The following TBC1D23 variants were observed in gnomAD, a reference collection of about 807,000 sequenced individuals.
The protein encoded by TBC1D23 is HCV non-structural protein 4A-transactivated protein 1.
In TBC1D23, 55 loss-of-function variants were observed where a neutral mutation model predicts 91.4. That is an observed-to-expected ratio of 0.60 (90% CI 0.48 to 0.75). The LOEUF (loss-of-function observed/expected upper bound fraction) is 0.75, where lower values mean the gene tolerates loss of function less well. TBC1D23 is among the 30% of genes least tolerant of loss of function. The pLI, the probability that TBC1D23 is intolerant of heterozygous loss-of-function variation, is 0.00. For missense variants in TBC1D23, 725 were observed against 836.1 expected (o/e 0.87, Z 1.64); for synonymous variants, 289 against 281.0 (o/e 1.03, Z -0.28).
At chr3:100,319,553 AG>A (rs1224910827) in intron 17 of TBC1D23, among the ~76,000 whole-genome samples, 1 of 151,820 alleles carries the variant, frequency 6.6e-6, no homozygotes, top group Non-Finnish European at 1.5e-5. Flanking sequence ...CTCAGCCTCC[AG>A]AGTAGCTGGG....
intron 13 of TBC1D23, among the ~76,000 whole-genome samples, chr3:100,308,239 G>A (rs1387287843): frequency 6.6e-6 from 1 of 152,176 alleles, no homozygotes; most frequent in Non-Finnish European, 1.5e-5. Flanking sequence ...ACTTTGGGAG[G>A]CTGAGGCGGG....
chr3:100,299,662 A>G (rs1386542913), intron 10 of TBC1D23, among the ~76,000 whole-genome samples: 1 of 152,024 alleles, frequency 6.6e-6, no homozygotes, highest in Non-Finnish European at 1.5e-5. Context: ...GGCACCCACC[A>G]CCAGGCCCGG....
At chr3:100,266,356 C>T in intron 1 of TBC1D23, among the ~76,000 whole-genome samples, 1 of 152,030 alleles carries the variant, frequency 6.6e-6, no homozygotes, top group Non-Finnish European at 1.5e-5. Flanking sequence ...GCATCCTCCG[C>T]CTCCTGGGTC....
intron 18 of TBC1D23, among the ~76,000 whole-genome samples, chr3:100,323,184 GA>G (rs1559818545): frequency 6.6e-6 from 1 of 152,128 alleles, no homozygotes. Flanking sequence ...TTAAGTGTTG[GA>G]ATTGTCATTG....
chr3:100,275,938 A>G (rs911260757), intron 1 of TBC1D23, among the ~76,000 whole-genome samples: 22 of 152,236 alleles, frequency 1.4e-4, no homozygotes, highest in African/African-American at 5.3e-4. Flanking sequence ...CAGTTATATG[A>G]AATATCTAGA....
intron 3 of TBC1D23, 105 bp downstream of exon 3, chr3:100,281,952 G>T: frequency 1.6e-6 from 1 of 611,450 alleles, no homozygotes; most frequent in Non-Finnish European, 2.8e-6. Flanking sequence ...TTTGTAAAAG[G>T]CTTGTAAATA....
At chr3:100,319,601 T>C (rs1705815143) in intron 17 of TBC1D23, among the ~76,000 whole-genome samples, 1 of 152,054 alleles carries the variant, frequency 6.6e-6, no homozygotes, top group Non-Finnish European at 1.5e-5. Flanking sequence ...GCTAATTTTG[T>C]ATTTTTAGTA....
chr3:100,316,465 A>T (rs890773893), intron 16 of TBC1D23, among the ~76,000 whole-genome samples: 1 of 152,046 alleles, frequency 6.6e-6, no homozygotes, highest in East Asian at 1.9e-4. Flanking sequence ...TAATAATAAA[A>T]TTTTAAAAAA....
intron 4 of TBC1D23, among the ~76,000 whole-genome samples, chr3:100,288,392 A>C (rs906103212): frequency 3.3e-5 from 5 of 152,070 alleles, no homozygotes; most frequent in Admixed American, 3.3e-4. Context: ...ATTGAGTTAG[A>C]TATGGAAGGG....
chr3:100,320,466 A>G (rs1360908071), intron 17 of TBC1D23, among the ~76,000 whole-genome samples: 1 of 152,034 alleles, frequency 6.6e-6, no homozygotes, highest in Non-Finnish European at 1.5e-5. Context: ...AAAATCTGAA[A>G]CGTAATATAC....
chr3:100,278,706 A>G (rs1162488011), intron 1 of TBC1D23, among the ~76,000 whole-genome samples: 1 of 152,080 alleles, frequency 6.6e-6, no homozygotes, highest in Non-Finnish European at 1.5e-5. Context: ...TTAACTGGTT[A>G]TTTTCTGGCT....
chr3:100,301,948 C>T, intron 10 of TBC1D23, 119 bp from the exon 11 acceptor site: 208 of 633,996 alleles, frequency 3.3e-4, no homozygotes, highest in Middle Eastern at 8.8e-4. Context: ...CCTTTTTTTC[C>T]CCTTCATTTT....
chr3:100,323,726 A>ACC lies in TBC1D23; in HGVS notation c.*59_*60dup. On this transcript the variant is annotated 3_prime_UTR_variant, in exon 19 of 19. Coordinates refer to ENST00000394144, the MANE Select transcript of TBC1D23 (RefSeq NM_001199198.3). ...ACAACCAAGAGAAACATGGACATATACCTCCTGACTGAATACTAACTGGAG... is the reference window on the plus strand; with the variant it reads ...ACAACCAAGAGAAACATGGACATATACCCCTCCTGACTGAATACTAACTGGAG... The ACC allele has an allele frequency of 1.2e-6, 1 of 810,006 alleles. No individual in the cohort carries two copies. Among genetic ancestry groups the ACC allele is most frequent in the Non-Finnish European group, 1.8e-6 (1 of 565,280 alleles). 50.2% of individuals were successfully genotyped at this position (810,006 alleles called of 1,614,324 possible). A position where few individuals can be genotyped will look rare whatever the true frequency, so the allele number is the denominator to read the frequency against.
chr3:100,276,779 C>G (rs918977974), intron 1 of TBC1D23, among the ~76,000 whole-genome samples: 1 of 152,160 alleles, frequency 6.6e-6, no homozygotes, highest in African/African-American at 2.4e-5. Flanking sequence ...TGACAGGAAC[C>G]TGTAGTATTA....
chr3:100,262,803 G>A (rs1041687733), intron 1 of TBC1D23, among the ~76,000 whole-genome samples: 2 of 149,458 alleles, frequency 1.3e-5, no homozygotes, highest in Admixed American at 1.3e-4. Context: ...ATTTCAACAT[G>A]TAATCATTGT....
chr3:100,278,419 T>C (rs932937901), intron 1 of TBC1D23, among the ~76,000 whole-genome samples: 1 of 151,184 alleles, frequency 6.6e-6, no homozygotes, highest in Non-Finnish European at 1.5e-5. Context: ...GGAGTCTTGC[T>C]CTGTCACCCA....
intron 13 of TBC1D23, among the ~76,000 whole-genome samples, chr3:100,308,491 A>T (rs891658408): frequency 3.9e-5 from 6 of 152,052 alleles, no homozygotes; most frequent in African/African-American, 7.2e-5. Flanking sequence ...AAAAAAAAAA[A>T]TTTGAAAGTA....
In TBC1D23 at chr3:100,283,911, G is replaced by T. The variant is rs1232658941; in HGVS notation, c.476+100G>T. ...ATTTACTTTGGCGGTAAAGTAAAAGGTTCAAATAATTTTGAGGATTGTTTG... is the reference window on the plus strand; with the variant it reads ...ATTTACTTTGGCGGTAAAGTAAAAGTTTCAAATAATTTTGAGGATTGTTTG... On this transcript the variant is annotated intron_variant, in intron 4 of 18. Transcript: ENST00000394144. 17 of 647,450 alleles carry T rather than the reference G, an allele frequency of 2.6e-5. No individual in the cohort carries two copies. In the Admixed American group the frequency reaches 4.4e-4, roughly 17 times the overall value. 40.1% of individuals were successfully genotyped at this position (647,450 alleles called of 1,614,324 possible).
intron 10 of TBC1D23, 66 bp from the exon 11 acceptor site, chr3:100,302,001 T>G: frequency 7.5e-7 from 1 of 1,341,056 alleles, no homozygotes; most frequent in East Asian, 2.5e-5. Context: ...TAAAAAAAAT[T>G]TCAAATTTAC....
Sources: allele counts gnomAD v4.1 joint callset (sites outside exome capture counted in the v4.1 genomes callset), GRCh38; gene constraint gnomAD v4.1.1; transcripts MANE v1.5; gene names NCBI Gene and HGNC (gene_info 2026-07-23, HGNC 2026-07-21).